H2BC18: variants seen among roughly 807,000 people sequenced by gnomAD.
H2BC18 encodes the protein histone H2B type 2-F.
Under a neutral mutation model 6.3 loss-of-function variants are expected in H2BC18, and 8 were observed. That is an observed-to-expected ratio of 1.28 (90% confidence interval 0.75 to 2.31). H2BC18 has a LOEUF of 2.31. Among genes scored for constraint, H2BC18 ranks in the 30% most tolerant of loss-of-function variants. The pLI is 0.00. For synonymous variants in H2BC18, 104 were observed against 78.1 expected (o/e 1.33, Z -1.75); for missense variants, 106 against 174.5 (o/e 0.61, Z 2.21).
chr1:149,793,182 G>C, intron 1 of H2BC18: 3 of 1,278,628 alleles, frequency 2.3e-6, no homozygotes, highest in Non-Finnish European at 2.0e-6. Flanking sequence ...CGGGAGGACG[G>C]CGCTGGGCTC....
downstream of H2BC18, among the ~76,000 whole-genome samples, chr1:149,809,734 G>A (rs1378198546): frequency 6.7e-6 from 1 of 148,150 alleles, no homozygotes; most frequent in East Asian, 1.9e-4. Flanking sequence ...AAGGAATGAG[G>A]CCTTAAGAGA....
At chr1:149,789,931 G>A in intron 1 of H2BC18, 2 of 1,588,792 alleles carry the variant, frequency 1.3e-6, no homozygotes, top group Non-Finnish European at 8.6e-7. Flanking sequence ...AGTAAAAAGG[G>A]TTAATGCCTT....
chr1:149,805,733 A>G (rs1404341844), intron 1 of H2BC18, among the ~76,000 whole-genome samples: 2 of 152,090 alleles, frequency 1.3e-5, no homozygotes, highest in Non-Finnish European at 2.9e-5. Context: ...ATAGTTCTAC[A>G]TAATAGGGAT....
At chr1:149,805,805 G>T (rs2091911962) in intron 1 of H2BC18, among the ~76,000 whole-genome samples, 1 of 151,892 alleles carries the variant, frequency 6.6e-6, no homozygotes, top group African/African-American at 2.4e-5. Context: ...GGTAGGAGGG[G>T]AGACAAATGA....
chr1:149,800,154 G>T (rs587619459), intron 1 of H2BC18, among the ~76,000 whole-genome samples: 2 of 152,156 alleles, frequency 1.3e-5, no homozygotes, highest in South Asian at 4.2e-4. Flanking sequence ...TGGGTTTACT[G>T]GTTTATAACA....
At chr1:149,807,812 GAAGA>G (rs201584088), downstream of H2BC18, among the ~76,000 whole-genome samples, 695 of 148,828 alleles carry the variant, frequency 4.7e-3, 8 homozygotes, top group African/African-American at 0.017. Context: ...TCGAAAGAAA[GAAGA>G]AAGAAAGAGA....
chr1:149,797,329 G>A (rs2091811154), intron 1 of H2BC18, among the ~76,000 whole-genome samples: 1 of 151,576 alleles, frequency 6.6e-6, no homozygotes, highest in Non-Finnish European at 1.5e-5. Flanking sequence ...TTGGTAATTT[G>A]TATGGAAAAG....
chr1:149,792,873 C>G, intron 1 of H2BC18: 1 of 1,263,180 alleles, frequency 7.9e-7, no homozygotes, highest in Non-Finnish European at 1.0e-6. Context: ...TCCCATTCGC[C>G]CGAGTCAAGG....
At chr1:149,797,430 A>T (rs2091812356) in intron 1 of H2BC18, among the ~76,000 whole-genome samples, 1 of 152,146 alleles carries the variant, frequency 6.6e-6, no homozygotes, top group Non-Finnish European at 1.5e-5. Flanking sequence ...TGCTTTTTCA[A>T]TAGTAAGTTT....
At chr1:149,797,481 G>C (rs190976653) in intron 1 of H2BC18, among the ~76,000 whole-genome samples, 55 of 152,218 alleles carry the variant, frequency 3.6e-4, no homozygotes, top group African/African-American at 1.0e-3. Flanking sequence ...AGGGAACACG[G>C]TGTTTGGTTT....
intron 1 of H2BC18, chr1:149,793,166 A>G (rs1176580149): frequency 7.0e-6 from 9 of 1,279,362 alleles, no homozygotes; most frequent in Non-Finnish European, 9.1e-6. Flanking sequence ...GGTAGATCAC[A>G]GGAAACGGGA....
chr1:149,799,516 G>A (rs2091839261), intron 1 of H2BC18, among the ~76,000 whole-genome samples: 1 of 151,686 alleles, frequency 6.6e-6, no homozygotes, highest in Non-Finnish European at 1.5e-5. Flanking sequence ...CATGACTATG[G>A]TTGCATACTA....
At chr1:149,788,203 C>T (rs1462392765) in intron 1 of H2BC18, 23 of 1,479,210 alleles carry the variant, frequency 1.6e-5, no homozygotes, top group Non-Finnish European at 2.1e-5. Flanking sequence ...TTTCTTTCCA[C>T]CAAAGCTAAA....
chr1:149,796,073 A>C (rs1361871566), intron 1 of H2BC18, among the ~76,000 whole-genome samples: 2 of 151,986 alleles, frequency 1.3e-5, no homozygotes, highest in Non-Finnish European at 2.9e-5. Flanking sequence ...ATGGGAACAA[A>C]TAAAATTGCT....
intron 1 of H2BC18, chr1:149,793,225 A>C (rs1553752419): frequency 7.9e-6 from 10 of 1,265,424 alleles, no homozygotes; most frequent in Admixed American, 7.3e-5. Flanking sequence ...GGCTTGTCGC[A>C]AGAGCAGCCG....
intron 1 of H2BC18, among the ~76,000 whole-genome samples, chr1:149,801,705 G>A (rs2091873258): frequency 6.7e-6 from 1 of 150,240 alleles, no homozygotes; most frequent in Non-Finnish European, 1.5e-5. Context: ...TGCCAGGAGG[G>A]CCAAATGTAT....
downstream of H2BC18, among the ~76,000 whole-genome samples, chr1:149,808,357 C>T (rs1318876142): frequency 1.3e-5 from 2 of 152,154 alleles, no homozygotes; most frequent in Non-Finnish European, 2.9e-5. Flanking sequence ...CAGAATTTTC[C>T]TGAACTCTCC....
rs372122863 is a variant in H2BC18, at chr1:149,812,085, C to T, written c.239G>A (p.Arg80His). 1.3e-5 allele frequency: 21 copies of T among 1,614,118 alleles called. No homozygotes were observed. Among genetic ancestry groups the T allele is most frequent in the Non-Finnish European group, 1.8e-5 (21 of 1,180,046 alleles). ...GGAGCGCTTGTTGTAGTGCGCCAGG[C>T]GGGACGCCTCTCCCGCGATGCGCTC... ...IFERIAGEAS[R>H]LAHYNKRSTI... Residue 80 changes from arginine to histidine, a missense_variant, in exon 1 of 1, where the codon CGC (arginine) becomes CAC (histidine). By Grantham distance (29) the Arg-to-His change is conservative. Around this residue, in one of 3 missense-constraint regions of H2BC18, gnomAD observed 35 missense variants for 72.3 expected, o/e 0.48. Coordinates refer to ENST00000369167, the MANE Select transcript of H2BC18 (RefSeq NM_001024599.5).
downstream of H2BC18, among the ~76,000 whole-genome samples, chr1:149,810,070 G>A (rs1435706440): frequency 1.3e-5 from 2 of 151,342 alleles, no homozygotes; most frequent in Admixed American, 1.3e-4. Context: ...CATTTGTGTA[G>A]TTGAGCCAGT....
Sources: gnomAD v4.1 joint callset for allele counts (sites outside exome capture counted in the v4.1 genomes callset) on GRCh38, gnomAD v4.1.1 for gene constraint, gnomAD v4.1.1 regional missense constraint, MANE v1.5 for transcripts, NCBI Gene and HGNC (gene_info 2026-07-23, HGNC 2026-07-21) for gene names.